Variants in APOLD1 observed in about 807,000 individuals in gnomAD.
APOLD1 encodes apolipoprotein L domain containing 1.
APOLD1 carries 22 observed loss-of-function variants against 15.3 expected under a neutral mutation model. The observed-to-expected ratio is 1.44, with a 90% CI of 1.03 to 2.05. APOLD1 has a LOEUF of 2.05. APOLD1 is among the 30% of genes most tolerant of loss of function. The pLI, the probability that APOLD1 is intolerant of heterozygous loss-of-function variation, is 0.00. For missense variants in APOLD1, 394 were observed against 353.5 expected, an observed-to-expected ratio of 1.11 and a Z score of -0.92; for synonymous variants, 190 against 167.4, an observed-to-expected ratio of 1.13 and a Z score of -1.04.
chr12:12,763,446 T>C (rs1946917857), intron 1 of APOLD1, among the ~76,000 whole-genome samples: 1 of 152,126 alleles, frequency 6.6e-6, no homozygotes, highest in Admixed American at 6.6e-5. Flanking sequence ...CAATATATAG[T>C]TGGCTTTTGT....
chr12:12,769,139 G>A (rs1946964705), intron 1 of APOLD1, among the ~76,000 whole-genome samples: 1 of 149,682 alleles, frequency 6.7e-6, no homozygotes, highest in Non-Finnish European at 1.5e-5. Context: ...GAGGTGGAAG[G>A]ATCACTTGAG....
Position 12,728,690 on chromosome 12 carries a change from A to AAG in APOLD1, c.96+2602_96+2603dup, listed in dbSNP as rs1555087038. Among the ~76,000 whole-genome samples the AAG allele has an allele frequency of 4.7e-4, 65 of 139,402 alleles. 4 individuals are homozygous for AAG. Among genetic ancestry groups the AAG allele is most frequent in the African/African-American group, 7.6e-4 (30 of 39,460 alleles). 91.5% of individuals were successfully genotyped at this position (139,402 alleles called of 152,430 possible). On this transcript the variant is annotated intron_variant, in intron 1 of 1. Coordinates refer to the APOLD1 transcript ENST00000326765. ...CAAAAAAAAAAAAAAAAAAAAAAAA[A>AAG]AGAGAGAGAAAGAAAAGAAAGAAAG... is the stretch of plus-strand genomic sequence containing the variant.
intron 1 of APOLD1, among the ~76,000 whole-genome samples, chr12:12,746,486 A>AG (rs1332762159): frequency 6.7e-6 from 1 of 149,736 alleles, no homozygotes; most frequent in Non-Finnish European, 1.5e-5. Context: ...ACAAGAGTGA[A>AG]ACTCCATCTC....
chr12:12,755,158 A>AT, intron 1 of APOLD1, among the ~76,000 whole-genome samples: 1 of 152,238 alleles, frequency 6.6e-6, no homozygotes, highest in East Asian at 1.9e-4. Flanking sequence ...TCACTCATAT[A>AT]TGAAAACTTT....
intron 1 of APOLD1, among the ~76,000 whole-genome samples, chr12:12,747,500 T>C (rs1340795109): frequency 6.6e-6 from 1 of 152,210 alleles, no homozygotes; most frequent in African/African-American, 2.4e-5. Flanking sequence ...AGGGGCAGGC[T>C]GACACTCTGG....
At chr12:12,767,153 G>T (rs1158647797) in intron 1 of APOLD1, among the ~76,000 whole-genome samples, 1 of 152,112 alleles carries the variant, frequency 6.6e-6, no homozygotes, top group East Asian at 1.9e-4. Context: ...GGCTGAGGCA[G>T]GAGAATTGCT....
chr12:12,759,101 G>A (rs111455897), intron 1 of APOLD1, among the ~76,000 whole-genome samples: 24 of 152,202 alleles, frequency 1.6e-4, no homozygotes, highest in African/African-American at 5.3e-4. Context: ...AGGATGGCAC[G>A]AGATTTCATC....
chr12:12,747,053 T>C (rs1044296358), intron 1 of APOLD1, among the ~76,000 whole-genome samples: 11 of 152,234 alleles, frequency 7.2e-5, no homozygotes, highest in South Asian at 2.1e-4. Context: ...ATTATAATCA[T>C]GGAACCAGGT....
At chr12:12,741,859 A>G (rs901507303) in intron 1 of APOLD1, among the ~76,000 whole-genome samples, 2 of 152,242 alleles carry the variant, frequency 1.3e-5, no homozygotes, top group Non-Finnish European at 2.9e-5. Context: ...CTGTAGCTCA[A>G]CATCACACAA....
upstream of APOLD1, among the ~76,000 whole-genome samples, chr12:12,785,084 G>A (rs1381789281): frequency 6.6e-6 from 1 of 152,184 alleles, no homozygotes; most frequent in Non-Finnish European, 1.5e-5. Context: ...AGCTGGAGAT[G>A]CCCAAAACTG....
In APOLD1 at chr12:12,788,526, C is replaced by T. The variant is rs1947153605; in HGVS notation, c.*874C>T. 1 of 152,206 alleles carries T rather than the reference C, an allele frequency of 6.6e-6. No homozygotes were observed. Among genetic ancestry groups the T allele is most frequent in the Non-Finnish European group, 1.5e-5 (1 of 68,054 alleles). 9.4% of individuals were successfully genotyped at this position (152,206 alleles called of 1,614,324 possible). A position where few individuals can be genotyped will look rare whatever the true frequency, so the allele number is the denominator to read the frequency against. On this transcript the variant is annotated 3_prime_UTR_variant, in exon 2 of 2. Coordinates refer to ENST00000356591, the MANE Select transcript of APOLD1 (RefSeq NM_030817.3). ...GTGTAAAACAAAGATGATAAAATCTCACCCTGTTGTGAGATATTAAATGAG... is the reference window on the plus strand; with the variant it reads ...GTGTAAAACAAAGATGATAAAATCTTACCCTGTTGTGAGATATTAAATGAG...
intron 1 of APOLD1, among the ~76,000 whole-genome samples, chr12:12,763,181 C>T (rs1220757736): frequency 2.0e-5 from 3 of 152,114 alleles, no homozygotes; most frequent in African/African-American, 7.2e-5. Flanking sequence ...TTGTGCACAG[C>T]ATGATGTTTA....
intron 1 of APOLD1, among the ~76,000 whole-genome samples, chr12:12,755,059 A>G (rs1040369128): frequency 6.6e-6 from 1 of 152,066 alleles, no homozygotes; most frequent in African/African-American, 2.4e-5. Flanking sequence ...AAAACAAAAA[A>G]TGAAGTTATT....
chr12:12,769,572 A>G (rs1377804968), intron 1 of APOLD1, among the ~76,000 whole-genome samples: 11 of 47,900 alleles, frequency 2.3e-4, no homozygotes, highest in Non-Finnish European at 3.5e-4. Flanking sequence ...GAATTTTGCA[A>G]ACGATCCTCT....
intron 1 of APOLD1, among the ~76,000 whole-genome samples, chr12:12,757,017 C>G (rs185398675): frequency 2.4e-3 from 369 of 152,248 alleles, no homozygotes; most frequent in Middle Eastern, 0.017. Flanking sequence ...AAACTCCTGA[C>G]CTTAGGTGAT....
intron 1 of APOLD1, among the ~76,000 whole-genome samples, chr12:12,733,741 T>C (rs1220196608): frequency 6.6e-6 from 1 of 152,202 alleles, no homozygotes; most frequent in Non-Finnish European, 1.5e-5. Context: ...TAGCTGGGAT[T>C]ACAGATGAGT....
chr12:12,743,102 T>C (rs978666637), intron 1 of APOLD1, among the ~76,000 whole-genome samples: 1 of 152,214 alleles, frequency 6.6e-6, no homozygotes, highest in Non-Finnish European at 1.5e-5. Flanking sequence ...GTTTCCCACT[T>C]CCTATATCAT....
chr12:12,737,739 C>T (rs1011425849), intron 1 of APOLD1, among the ~76,000 whole-genome samples: 3 of 152,154 alleles, frequency 2.0e-5, no homozygotes, highest in Non-Finnish European at 2.9e-5. Flanking sequence ...CTGGGGGGCC[C>T]AGGGTTGGTG....
At chr12:12,736,286 G>A (rs1263846340) in intron 1 of APOLD1, among the ~76,000 whole-genome samples, 3 of 152,166 alleles carry the variant, frequency 2.0e-5, no homozygotes, top group Non-Finnish European at 4.4e-5. Context: ...AGGAGGAGGA[G>A]GTTGCGGTGA....
Sources: allele counts gnomAD v4.1 joint callset (sites outside exome capture counted in the v4.1 genomes callset), GRCh38; gene constraint gnomAD v4.1.1; transcripts MANE v1.5; gene names NCBI Gene and HGNC (gene_info 2026-07-23, HGNC 2026-07-21).